The following MTFP1 variants were observed in gnomAD, a reference collection of about 807,000 sequenced individuals.
MTFP1 encodes the protein mitochondrial fission process protein 1.
In MTFP1, 19 loss-of-function variants were observed where a neutral mutation model predicts 17.1. That is an observed-to-expected ratio of 1.11 (90% CI 0.77 to 1.63). The LOEUF (loss-of-function observed/expected upper bound fraction) is 1.63. Among genes scored for constraint, MTFP1 ranks in the 40% most tolerant of loss-of-function variants. MTFP1 has a pLI of 0.00. For missense variants in MTFP1, 221 were observed against 226.2 expected (o/e 0.98, Z 0.15); for synonymous variants, 89 against 95.2 (o/e 0.93, Z 0.38).
rs1934716319 is a variant in MTFP1 at position 30,428,840 on chromosome 22, T to C, written c.*306T>C. The C allele has an allele frequency of 1.5e-6, 1 of 657,484 alleles. No homozygotes were observed. The highest frequency in any genetic ancestry group is 2.8e-5 in the Admixed American group (1 of 35,336). The allele number at this position is 657,484 out of a possible 1,614,324, so 40.7% of individuals were successfully genotyped here. A position where few individuals can be genotyped will look rare whatever the true frequency, so the allele number is the denominator to read the frequency against. On this transcript the variant is annotated 3_prime_UTR_variant, in exon 4 of 4. Coordinates refer to ENST00000266263, the MANE Select transcript of MTFP1 (RefSeq NM_016498.5). ...CATCCTCCCATGGAGGATGAGAGAC[T>C]GAGGCTCAGGGAGGGCAAGGAATAG...
rs1934714148 is a variant in MTFP1 at position 30,428,711 on chromosome 22, C to T, written c.*177C>T. Reference sequence around the variant, plus strand: ...TCAAGAAGCAGTGGCTGCAGGGAGTCACAGAAGGGCAGGACCTGAACGCTG... The same window carrying T: ...TCAAGAAGCAGTGGCTGCAGGGAGTTACAGAAGGGCAGGACCTGAACGCTG... On this transcript the variant is annotated 3_prime_UTR_variant, in exon 4 of 4. Coordinates refer to ENST00000266263, the MANE Select transcript of MTFP1 (RefSeq NM_016498.5). The T allele has an allele frequency of 1.3e-6, 2 of 1,584,990 alleles. No homozygotes were observed. The highest frequency in any genetic ancestry group is 2.7e-5 in the African/African-American group (2 of 74,208).
chr22:30,428,530 C>G lies in MTFP1; in HGVS notation c.497C>G (p.Ser166Cys), dbSNP rs1326134642. Reference sequence around the variant, plus strand: ...CCAACAGTGGGGAAGCCCAGCTCCTCCTGATCATACTCTGGTACCTGGCCT... The same window carrying G: ...CCAACAGTGGGGAAGCCCAGCTCCTGCTGATCATACTCTGGTACCTGGCCT... ...LYPTVGKPSS[S>C] The change falls in exon 4 of 4, where the codon TCC becomes TGC. Residue 166 changes from serine to cysteine, a missense_variant. Transcript: ENST00000266263. The G allele has an allele frequency of 6.2e-7, 1 of 1,614,192 alleles. No individual in the cohort carries two copies. Among genetic ancestry groups the G allele is most frequent in the East Asian group, 2.2e-5 (1 of 44,878 alleles).
chr22:30,428,986 T>C lies in MTFP1; in HGVS notation c.*452T>C. ...CTCAGGGAGAAACTCAGGAGTGCAG[T>C]ACCAGGGACACCTCAGGACAGATTC... On this transcript the variant is annotated 3_prime_UTR_variant, in exon 4 of 4. Transcript: ENST00000266263. The C allele has an allele frequency of 2.5e-6, 1 of 402,346 alleles. No homozygotes were observed. 24.9% of individuals were successfully genotyped at this position (402,346 alleles called of 1,614,324 possible).
intron 2 of MTFP1, 90 bp from the exon 3 acceptor site, chr22:30,427,081 C>T (rs1268350385): frequency 2.0e-6 from 3 of 1,465,524 alleles, no homozygotes; most frequent in Non-Finnish European, 2.9e-6. Context: ...GTCCACTGGC[C>T]ACTTGCCCCT....
At chr22:30,427,025 C>A in intron 2 of MTFP1, 146 bp from the exon 3 acceptor site, 1 of 1,359,208 alleles carries the variant, frequency 7.4e-7, no homozygotes, top group East Asian at 2.3e-5. Context: ...CTCCCACTCC[C>A]CGAACTGGAT....
chr22:30,427,193 G>T lies in MTFP1; in HGVS notation c.218G>T (p.Arg73Leu), dbSNP rs144789689. 1.2e-6 allele frequency: 2 copies of T among 1,613,952 alleles called. No individual in the cohort carries two copies. The highest frequency in any genetic ancestry group is 8.5e-7 in the Non-Finnish European group (1 of 1,180,022). ...AGEVPSPEAG[R>L]SARVTVAVVD... ...CAGGTGCCCAGCCCTGAAGCAGGCCGCAGCGCCAGGGTGACTGTGGCTGTG... is the reference window on the plus strand; with the variant it reads ...CAGGTGCCCAGCCCTGAAGCAGGCCTCAGCGCCAGGGTGACTGTGGCTGTG... Residue 73 changes from arginine (R) to leucine (L), a missense_variant, in exon 3 of 4, where the codon CGC (arginine) becomes CTC (leucine). Transcript: ENST00000266263.
Position 30,427,311 on chromosome 22 carries a change from C to T in MTFP1, c.336C>T (p.Gly112=), listed in dbSNP as rs780044205. 6.2e-7 allele frequency: 1 copy of T among 1,614,024 alleles called. No individual in the cohort carries two copies. The highest frequency in any genetic ancestry group is 1.3e-5 in the African/African-American group (1 of 74,942). ...RVCAASLYVL[G]TATRWPLAVR... ...GTGCTGCCTCTCTCTATGTCCTGGG[C>T]ACTGCCACCCGCTGGCCCCTGGCTG... The change falls in exon 3 of 4, where the codon GGC becomes GGT. Residue 112 remains glycine (G), a synonymous_variant. Transcript: ENST00000266263.
rs138977455 is a variant in MTFP1, at chr22:30,426,736, C to A, written c.87C>A (p.Gly29=). 3.1e-5 allele frequency: 50 copies of A among 1,613,916 alleles called. No homozygotes were observed. Among genetic ancestry groups the A allele is most frequent in the Non-Finnish European group, 4.1e-5 (48 of 1,179,990 alleles). Residue 29 remains glycine (G), a synonymous_variant, in exon 2 of 4, where the codon GGC becomes GGA. Coordinates refer to ENST00000266263, the MANE Select transcript of MTFP1 (RefSeq NM_016498.5). ...VRYLGYANEV[G]EAFRSLVPAA... is the part of the protein sequence containing the mutation. ...CCCCAGGCTATGCCAATGAGGTGGGCGAGGCTTTCCGCTCTCTTGTGCCAG... is the reference window on the plus strand; with the variant it reads ...CCCCAGGCTATGCCAATGAGGTGGGAGAGGCTTTCCGCTCTCTTGTGCCAG...
chr22:30,425,925 G>C lies in MTFP1; in HGVS notation c.46G>C (p.Asp16His). The C allele has an allele frequency of 6.5e-7, 1 of 1,532,588 alleles. No individual in the cohort carries two copies. Among genetic ancestry groups the C allele is most frequent in the Non-Finnish European group, 8.8e-7 (1 of 1,139,928 alleles). The allele number at this position is 1,532,588 out of a possible 1,614,324, so 94.9% of individuals were successfully genotyped here. A position where few individuals can be genotyped will look rare whatever the true frequency, so the allele number is the denominator to read the frequency against. The change falls in exon 1 of 4, where the codon GAC becomes CAC. Residue 16 changes from aspartate (D) to histidine (H), a missense_variant. Coordinates refer to ENST00000266263, the MANE Select transcript of MTFP1 (RefSeq NM_016498.5). ...PRGAERDLYR[D>H]TWVRYLGYAN... ...GGGCGCAGAGCGCGATCTCTACCGG[G>C]ACACGTGGGTGCGATACCTGGGTGA... is the stretch of plus-strand genomic sequence containing the variant.
rs1934710099 is a variant in MTFP1, at chr22:30,428,532, T to C, written c.499T>C (p.Ter167ArgextTer41). The change falls in exon 4 of 4, where the codon TGA (stop) becomes CGA (arginine). Residue 167 changes from the stop codon to arginine, a stop_lost. Transcript: ENST00000266263. ...YPTVGKPSSS* is the reference protein window; with the variant it reads ...YPTVGKPSSSR Reference sequence around the variant, plus strand: ...AACAGTGGGGAAGCCCAGCTCCTCCTGATCATACTCTGGTACCTGGCCTGT... The same window carrying C: ...AACAGTGGGGAAGCCCAGCTCCTCCCGATCATACTCTGGTACCTGGCCTGT... 1 of 1,614,224 alleles carries C rather than the reference T, an allele frequency of 6.2e-7. No homozygotes were observed. Among genetic ancestry groups the C allele is most frequent in the Non-Finnish European group, 8.5e-7 (1 of 1,180,040 alleles).
In MTFP1 at chr22:30,426,789, T is replaced by A. The variant is rs954242882; in HGVS notation, c.140T>A (p.Val47Glu). The A allele has an allele frequency of 6.2e-7, 1 of 1,613,800 alleles. No individual in the cohort carries two copies. Among genetic ancestry groups the A allele is most frequent in the African/African-American group, 1.3e-5 (1 of 74,934 alleles). ...PAAVVWLSYG[V>E]ASSYVLADAI... ...GCGGTGGTGTGGCTGAGCTATGGCGTGGCCAGCTCCTACGTGCTGGCGGAT... is the reference window on the plus strand; with the variant it reads ...GCGGTGGTGTGGCTGAGCTATGGCGAGGCCAGCTCCTACGTGCTGGCGGAT... The change falls in exon 2 of 4, where the codon GTG becomes GAG. Residue 47 changes from valine (V) to glutamate (E), a missense_variant. By Grantham distance (121) the Val-to-Glu change is moderately radical (BLOSUM62 -2). Transcript: ENST00000266263.
chr22:30,428,416 A>T, intron 3 of MTFP1, 46 bp from the exon 4 acceptor site: 2 of 1,559,670 alleles, frequency 1.3e-6, no homozygotes, highest in Non-Finnish European at 1.8e-6. Context: ...CTGTTCCCTC[A>T]TGAACACCCT....
At chr22:30,427,038 GGCA>G (rs1934683599) in intron 2 of MTFP1, 130 bp from the exon 3 acceptor site, 1 of 1,352,532 alleles carries the variant, frequency 7.4e-7, no homozygotes, top group East Asian at 2.3e-5. Context: ...AACTGGATGT[GGCA>G]GACTGTACCC....
chr22:30,425,794 C>G lies in MTFP1; in HGVS notation c.-86C>G. 7.3e-7 allele frequency: 1 copy of G among 1,369,660 alleles called. No individual in the cohort carries two copies. Among genetic ancestry groups the G allele is most frequent in the East Asian group, 2.9e-5 (1 of 34,224 alleles). 84.8% of individuals were successfully genotyped at this position (1,369,660 alleles called of 1,614,324 possible). A position where few individuals can be genotyped will look rare whatever the true frequency, so the allele number is the denominator to read the frequency against. ...TTCGGCGCGGGACTTTCGGCGGGTC[C>G]CGGCCGGGCAGACCCAAGTGCCGGC... On this transcript the variant is annotated 5_prime_UTR_variant, in exon 1 of 4. Coordinates refer to ENST00000266263, the MANE Select transcript of MTFP1 (RefSeq NM_016498.5).
chr22:30,426,593 A>G (rs1934672600), intron 1 of MTFP1, 124 bp from the exon 2 acceptor site: 6 of 1,281,294 alleles, frequency 4.7e-6, no homozygotes, highest in Admixed American at 2.3e-5. Flanking sequence ...AGGCTCAGAG[A>G]GGTCAAGTCA....
rs557467510 is a variant in MTFP1 at position 30,427,006 on chromosome 22, G to A, written c.195+162G>A. 18 of 1,377,616 alleles carry A rather than the reference G, an allele frequency of 1.3e-5. No homozygotes were observed. The South Asian group carries it at 2.0e-4, about 15-fold the overall frequency. The allele number at this position is 1,377,616 out of a possible 1,614,324, so 85.3% of individuals were successfully genotyped here. The stretch of plus-strand genomic sequence containing the variant: ...CCTGTTTGTAGGACAGTGTACCCCT[G>A]CCCCCACACTCCCACTCCCCGAACT... On this transcript the variant is annotated intron_variant, in intron 2 of 3. Transcript: ENST00000266263.
rs78474653 is a variant in MTFP1 at position 30,427,146 on chromosome 22, G to A, written c.196-25G>A. ...GGATTTTCTGCCTCTGCCCCAGCTG[G>A]ATTAAGTGTCTCTGCGCCCACCAGG... On this transcript the variant is annotated intron_variant, in intron 2 of 3. Coordinates refer to ENST00000266263, the MANE Select transcript of MTFP1 (RefSeq NM_016498.5). The A allele has an allele frequency of 2.6e-3, 4,136 of 1,612,106 alleles. 72 individuals are homozygous for A. In the African/African-American group the frequency reaches 0.043, roughly 17 times the overall value.
Position 30,425,848 on chromosome 22 carries a change from G to A in MTFP1, c.-32G>A. The A allele has an allele frequency of 6.5e-7, 1 of 1,528,768 alleles. No individual in the cohort carries two copies. The highest frequency in any genetic ancestry group is 8.8e-7 in the Non-Finnish European group (1 of 1,139,512). The allele number at this position is 1,528,768 out of a possible 1,614,324, so 94.7% of individuals were successfully genotyped here. On this transcript the variant is annotated 5_prime_UTR_variant, in exon 1 of 4. Transcript: ENST00000266263. ...GGAGACTGCAGTGGAGCCAGTACCGGCTGTAGTGGCCGGGGCCGTGGCGGG... is the reference window on the plus strand; with the variant it reads ...GGAGACTGCAGTGGAGCCAGTACCGACTGTAGTGGCCGGGGCCGTGGCGGG...
At chr22:30,426,909 C>A in intron 2 of MTFP1, 65 bp downstream of exon 2, 1 of 1,592,730 alleles carries the variant, frequency 6.3e-7, no homozygotes, top group Non-Finnish European at 8.5e-7. Flanking sequence ...CAGTCCACAG[C>A]CTTGCATGTG....
Sources: allele counts gnomAD v4.1 joint callset, GRCh38; gene constraint gnomAD v4.1.1; transcripts MANE v1.5; gene names NCBI Gene and HGNC (gene_info 2026-07-23, HGNC 2026-07-21).